Variants in LCA5 observed in about 807,000 individuals in gnomAD.
LCA5 encodes the protein lebercilin LCA5, also known as lebercilin.
In LCA5, 37 loss-of-function variants were observed where a neutral mutation model predicts 53.0. The observed-to-expected ratio is 0.70, with a 90% CI of 0.54 to 0.92. The LOEUF is 0.92. LCA5 is among the 40% of genes least tolerant of loss of function. LCA5 has a pLI of 0.00. For missense variants in LCA5, 806 were observed against 790.5 expected (o/e 1.02, Z -0.23); for synonymous variants, 303 against 282.9 (o/e 1.07, Z -0.71).
chr6:79,524,602 G>A (rs550932831), intron 1 of LCA5, among the ~76,000 whole-genome samples: 1 of 152,224 alleles, frequency 6.6e-6, no homozygotes, highest in East Asian at 1.9e-4. Context: ...TGAGCTCTAT[G>A]TAGCAGTAAT....
Position 79,489,260 on chromosome 6 carries a change from AG to A in LCA5, c.1099-45del, listed in dbSNP as rs574952998. 2.6e-4 allele frequency: 419 copies of A among 1,595,228 alleles called. 4 individuals carry two copies. In the African/African-American group the frequency reaches 5.1e-3, roughly 19 times the overall value. On this transcript the variant is annotated intron_variant, in intron 6 of 7. Coordinates refer to ENST00000369846, the MANE Select transcript of LCA5 (RefSeq NM_001122769.3). Reference sequence around the variant, plus strand: ...AATGCAAGTTCACAAATTATAGAAAAGGGGGGGAACTAAGCAACACAGATTT... The same window carrying A: ...AATGCAAGTTCACAAATTATAGAAAAGGGGGGAACTAAGCAACACAGATTT...
chr6:79,485,745 T>G lies in LCA5; in HGVS notation c.*1259A>C, dbSNP rs543712321. Reference sequence around the variant, plus strand: ...AATTCTTGAAAAAAACAGCTCACTTTAGAATAAGTGCCAATCTAAATTTTT... The same window carrying G: ...AATTCTTGAAAAAAACAGCTCACTTGAGAATAAGTGCCAATCTAAATTTTT... On this transcript the variant is annotated 3_prime_UTR_variant, in exon 8 of 8. Coordinates refer to ENST00000369846, the MANE Select transcript of LCA5 (RefSeq NM_001122769.3). The G allele has an allele frequency of 6.6e-6, 1 of 152,332 alleles. No homozygotes were observed. Among genetic ancestry groups the G allele is most frequent in the South Asian group, 2.1e-4 (1 of 4,826 alleles). 9.4% of individuals were successfully genotyped at this position (152,332 alleles called of 1,614,324 possible).
At chr6:79,495,587 T>C (rs1769960116) in intron 3 of LCA5, among the ~76,000 whole-genome samples, 1 of 151,794 alleles carries the variant, frequency 6.6e-6, no homozygotes, top group African/African-American at 2.4e-5. Context: ...CCGTCTCTAC[T>C]AAAAATACAA....
In LCA5 at chr6:79,487,380, T is replaced by C; in HGVS notation, c.1718A>G (p.Lys573Arg). The change falls in exon 8 of 8, where the codon AAA becomes AGA. Residue 573 changes from lysine to arginine, a missense_variant. Coordinates refer to ENST00000369846, the MANE Select transcript of LCA5 (RefSeq NM_001122769.3). ...TSERSNPFSQ[K>R]SSFLDFQRNS... Reference sequence around the variant, plus strand: ...TCTTTGGAAATCCAAAAAACTACTTTTTTGACTAAATGGATTTGACCTCTC... The same window carrying C: ...TCTTTGGAAATCCAAAAAACTACTTCTTTGACTAAATGGATTTGACCTCTC... 1 of 1,612,882 alleles carries C rather than the reference T, an allele frequency of 6.2e-7. No individual in the cohort carries two copies. The highest frequency in any genetic ancestry group is 8.5e-7 in the Non-Finnish European group (1 of 1,179,604).
chr6:79,485,838 A>C lies in LCA5; in HGVS notation c.*1166T>G, dbSNP rs1484074911. On this transcript the variant is annotated 3_prime_UTR_variant, in exon 8 of 8. Coordinates refer to ENST00000369846, the MANE Select transcript of LCA5 (RefSeq NM_001122769.3). ...AATGTTTTCTCCTTGGGCTGGTGGT[A>C]TATTACTGCTTTTTAAAGACCAATC... 3 of 152,160 alleles carry C rather than the reference A, an allele frequency of 2.0e-5. No individual in the cohort carries two copies. The highest frequency in any genetic ancestry group is 7.2e-5 in the African/African-American group (3 of 41,438). The allele number at this position is 152,160 out of a possible 1,614,324, so 9.4% of individuals were successfully genotyped here. A position where few individuals can be genotyped will look rare whatever the true frequency, so the allele number is the denominator to read the frequency against.
intron 1 of LCA5, among the ~76,000 whole-genome samples, chr6:79,535,733 A>G (rs1031776446): frequency 6.6e-6 from 1 of 152,242 alleles, no homozygotes; most frequent in African/African-American, 2.4e-5. Flanking sequence ...GAAATAAAAA[A>G]TTGGGAGAGT....
intron 3 of LCA5, among the ~76,000 whole-genome samples, chr6:79,499,071 T>A (rs1770061003): frequency 6.6e-6 from 1 of 151,590 alleles, no homozygotes. Context: ...AGAACGAGAG[T>A]AGTTTCACAT....
At chr6:79,534,888 G>T (rs934991995) in intron 1 of LCA5, among the ~76,000 whole-genome samples, 3 of 152,132 alleles carry the variant, frequency 2.0e-5, no homozygotes, top group Admixed American at 2.0e-4. Context: ...CAACTGTGCT[G>T]TCCAATACAG....
At chr6:79,494,029 C>A (rs1769913404) in intron 3 of LCA5, among the ~76,000 whole-genome samples, 1 of 151,990 alleles carries the variant, frequency 6.6e-6, no homozygotes. Context: ...CTTTGAGAGG[C>A]CTAGGCAGGA....
At chr6:79,525,767 GTAAC>G (rs997767801) in intron 1 of LCA5, among the ~76,000 whole-genome samples, 7 of 105,038 alleles carry the variant, frequency 6.7e-5, no homozygotes, top group Non-Finnish European at 1.2e-4. Context: ...AGTTAACTTT[GTAAC>G]TAACAACTGA....
At chr6:79,493,824 A>C in intron 3 of LCA5, 74 bp from the exon 4 acceptor site, 1 of 1,176,052 alleles carries the variant, frequency 8.5e-7, no homozygotes, top group Non-Finnish European at 1.2e-6. Flanking sequence ...TGGCAGTGTC[A>C]AAATGATGTT....
intron 3 of LCA5, among the ~76,000 whole-genome samples, chr6:79,512,256 T>C (rs1377652921): frequency 6.6e-6 from 1 of 152,162 alleles, no homozygotes; most frequent in Non-Finnish European, 1.5e-5. Context: ...CTGATCATTA[T>C]TGGAATCTAC....
chr6:79,515,535 A>G (rs999289822), intron 2 of LCA5, among the ~76,000 whole-genome samples: 1 of 152,108 alleles, frequency 6.6e-6, no homozygotes, highest in Non-Finnish European at 1.5e-5. Context: ...CAATATTCAG[A>G]GCACCGGCCC....
intron 1 of LCA5, among the ~76,000 whole-genome samples, chr6:79,522,848 G>A (rs993636286): frequency 2.0e-5 from 3 of 151,182 alleles, no homozygotes; most frequent in African/African-American, 7.3e-5. Flanking sequence ...GCCCAGCCCT[G>A]ACCACATATT....
intron 1 of LCA5, chr6:79,525,196 C>T (rs1486228444): frequency 6.6e-6 from 1 of 151,988 alleles, no homozygotes. Flanking sequence ...TTTTCTGTTT[C>T]TTTATCTTGG....
chr6:79,510,889 T>C (rs1322030483), intron 3 of LCA5, among the ~76,000 whole-genome samples: 1 of 152,114 alleles, frequency 6.6e-6, no homozygotes, highest in Admixed American at 6.6e-5. Context: ...CCTATCAAGA[T>C]GGCTAAAACT....
intron 3 of LCA5, among the ~76,000 whole-genome samples, chr6:79,495,049 A>T (rs1176637116): frequency 2.6e-5 from 4 of 152,236 alleles, no homozygotes; most frequent in Non-Finnish European, 5.9e-5. Context: ...GGGCTTGCAC[A>T]GCAGGAGGTG....
intron 3 of LCA5, among the ~76,000 whole-genome samples, chr6:79,494,334 A>G (rs1769923006): frequency 6.6e-6 from 1 of 152,204 alleles, no homozygotes; most frequent in African/African-American, 2.4e-5. Flanking sequence ...GAGTACCTAG[A>G]GTAAAACATC....
At chr6:79,517,108 A>G (rs1287204590) in intron 2 of LCA5, among the ~76,000 whole-genome samples, 1 of 152,074 alleles carries the variant, frequency 6.6e-6, no homozygotes, top group Non-Finnish European at 1.5e-5. Flanking sequence ...GTTAGTCTAT[A>G]CTGATTGCAA....
Sources: gnomAD v4.1 joint callset for allele counts (sites outside exome capture counted in the v4.1 genomes callset) on GRCh38, gnomAD v4.1.1 for gene constraint, MANE v1.5 for transcripts, NCBI Gene and HGNC (gene_info 2026-07-23, HGNC 2026-07-21) for gene names.